Variants in SGCZ observed in about 807,000 individuals in gnomAD.
SGCZ encodes the protein sarcoglycan zeta.
SGCZ carries 40 observed loss-of-function variants against 41.3 expected under a neutral mutation model. The observed-to-expected ratio is 0.97, with a 90% confidence interval of 0.75 to 1.26. SGCZ has a LOEUF of 1.26. Ranked by LOEUF, SGCZ falls within the 50% of genes most tolerant of loss-of-function variation. The probability of loss-of-function intolerance (pLI) is 0.00; values close to 1 mark genes in which losing one functional copy is unlikely to be tolerated. For missense variants in SGCZ, 552 were observed against 369.8 expected (o/e 1.49, Z -4.04); for synonymous variants, 206 against 137.5 (o/e 1.50, Z -3.49).
intron 1 of SGCZ, among the ~76,000 whole-genome samples, chr8:15,212,568 G>A (rs893249345): frequency 2.0e-5 from 3 of 152,062 alleles, no homozygotes. Flanking sequence ...TCTGTAGACT[G>A]AGAGCCTTGG....
intron 1 of SGCZ, among the ~76,000 whole-genome samples, chr8:14,948,296 AT>A (rs1316719783): frequency 3.9e-5 from 6 of 152,166 alleles, no homozygotes; most frequent in African/African-American, 1.2e-4. Flanking sequence ...AGAACTGGGT[AT>A]TCTCTCTCTC....
intron 1 of SGCZ, among the ~76,000 whole-genome samples, chr8:14,610,781 G>A (rs780367269): frequency 6.6e-6 from 1 of 152,172 alleles, no homozygotes; most frequent in Non-Finnish European, 1.5e-5. Context: ...AAACGTGAAG[G>A]AATTAATAGG....
At chr8:15,169,670 T>G (rs557027780) in intron 1 of SGCZ, among the ~76,000 whole-genome samples, 1 of 152,318 alleles carries the variant, frequency 6.6e-6, no homozygotes, top group South Asian at 2.1e-4. Flanking sequence ...GATCAGCTTT[T>G]CTTGAGGGCT....
At chr8:14,316,048 C>T (rs984003459) in intron 3 of SGCZ, among the ~76,000 whole-genome samples, 3 of 151,636 alleles carry the variant, frequency 2.0e-5, no homozygotes, top group African/African-American at 7.3e-5. Context: ...GAAAATTAGT[C>T]AAATATTTTG....
chr8:14,491,729 T>C (rs1467490347), intron 2 of SGCZ, among the ~76,000 whole-genome samples: 1 of 152,194 alleles, frequency 6.6e-6, no homozygotes, highest in East Asian at 1.9e-4. Context: ...CCAGTAACTC[T>C]CCACTGCACA....
intron 1 of SGCZ, among the ~76,000 whole-genome samples, chr8:14,985,207 TAAAG>T (rs376660588): frequency 7.9e-4 from 120 of 152,258 alleles, no homozygotes; most frequent in African/African-American, 2.8e-3. Flanking sequence ...TTACTGAAAT[TAAAG>T]AAAACTGTAT....
intron 4 of SGCZ, among the ~76,000 whole-genome samples, chr8:14,184,143 T>C (rs1237157651): frequency 6.6e-6 from 1 of 152,156 alleles, no homozygotes. Flanking sequence ...TAAAAAATCA[T>C]TCTAATGATT....
At chr8:14,258,928 C>T (rs1203929364) in intron 3 of SGCZ, among the ~76,000 whole-genome samples, 2 of 152,266 alleles carry the variant, frequency 1.3e-5, no homozygotes, top group African/African-American at 4.8e-5. Context: ...ATGTAGCATA[C>T]AGGCAAAGGC....
intron 1 of SGCZ, among the ~76,000 whole-genome samples, chr8:14,641,167 T>C (rs1419209560): frequency 6.6e-6 from 1 of 151,670 alleles, no homozygotes; most frequent in Non-Finnish European, 1.5e-5. Context: ...CATATCAAAA[T>C]TGCTTCTACT....
intron 2 of SGCZ, among the ~76,000 whole-genome samples, chr8:14,329,162 G>C (rs1802228257): frequency 6.6e-6 from 1 of 152,172 alleles, no homozygotes; most frequent in Non-Finnish European, 1.5e-5. Flanking sequence ...AGACAGTATA[G>C]TGTCATTTTA....
intron 2 of SGCZ, among the ~76,000 whole-genome samples, chr8:14,419,498 T>G (rs1344500348): frequency 6.6e-6 from 1 of 151,998 alleles, no homozygotes; most frequent in Non-Finnish European, 1.5e-5. Flanking sequence ...ACTTTTGCTA[T>G]GAGTTTTTTT....
intron 1 of SGCZ, among the ~76,000 whole-genome samples, chr8:14,636,655 G>A (rs1002215576): frequency 1.3e-4 from 19 of 151,790 alleles, no homozygotes; most frequent in Non-Finnish European, 2.2e-4. Context: ...CTACTTGACG[G>A]CTGATGCAAG....
At chr8:14,355,372 T>C (rs1389200069) in intron 2 of SGCZ, among the ~76,000 whole-genome samples, 2 of 152,104 alleles carry the variant, frequency 1.3e-5, no homozygotes, top group African/African-American at 2.4e-5. Context: ...AGTAGCTAGA[T>C]TGATTTATCT....
chr8:14,788,811 A>G (rs577272494), intron 1 of SGCZ, among the ~76,000 whole-genome samples: 1 of 152,104 alleles, frequency 6.6e-6, no homozygotes, highest in African/African-American at 2.4e-5. Flanking sequence ...GAACTGATCA[A>G]TATAAAGACT....
intron 1 of SGCZ, among the ~76,000 whole-genome samples, chr8:14,568,972 T>A (rs1034126684): frequency 6.6e-6 from 1 of 152,166 alleles, no homozygotes; most frequent in South Asian, 2.1e-4. Context: ...GTTATAGACA[T>A]TTTTTTATTT....
intron 4 of SGCZ, among the ~76,000 whole-genome samples, chr8:14,174,100 A>C (rs1380240798): frequency 2.0e-5 from 3 of 152,134 alleles, no homozygotes; most frequent in Non-Finnish European, 2.9e-5. Context: ...ATAAATAGAT[A>C]AATCCAATCC....
intron 2 of SGCZ, among the ~76,000 whole-genome samples, chr8:14,520,875 A>G (rs1203129669): frequency 1.3e-5 from 2 of 152,138 alleles, no homozygotes; most frequent in Admixed American, 6.6e-5. Flanking sequence ...GATGTACTTA[A>G]AAAAATCAAC....
intron 4 of SGCZ, among the ~76,000 whole-genome samples, chr8:14,174,993 A>G (rs1407291389): frequency 6.6e-6 from 1 of 152,082 alleles, no homozygotes; most frequent in Non-Finnish European, 1.5e-5. Flanking sequence ...TATTAATCTC[A>G]TTTTAACTTG....
At chr8:14,999,675 A>G (rs1658486965) in intron 1 of SGCZ, among the ~76,000 whole-genome samples, 1 of 152,176 alleles carries the variant, frequency 6.6e-6, no homozygotes, top group Non-Finnish European at 1.5e-5. Flanking sequence ...AGCACATCAC[A>G]GGACCCTTAC....
Sources: gnomAD v4.1 joint callset for allele counts (sites outside exome capture counted in the v4.1 genomes callset) on GRCh38, gnomAD v4.1.1 for gene constraint, MANE v1.5 for transcripts, NCBI Gene and HGNC (gene_info 2026-07-23, HGNC 2026-07-21) for gene names.